GRIN2B: variants seen among roughly 807,000 people sequenced by gnomAD.
GRIN2B encodes the protein glutamate ionotropic receptor NMDA type subunit 2B, also known as glutamate receptor ionotropic, NMDA 2B.
A neutral mutation model predicts 114.5 loss-of-function variants in GRIN2B; 5 were observed. The ratio of observed to expected loss-of-function variants is 0.04; its 90% CI spans 0.02 to 0.09. The LOEUF (loss-of-function observed/expected upper bound fraction) is 0.09, where lower values mean the gene tolerates loss of function less well. Among genes scored for constraint, GRIN2B ranks in the 10% least tolerant of loss-of-function variants. GRIN2B has a pLI of 1.00. For synonymous variants in GRIN2B, 787 were observed against 745.1 expected, an observed-to-expected ratio of 1.06 and a Z score of -0.92; for missense variants, 1,108 against 1,943.5, an observed-to-expected ratio of 0.57 and a Z score of 8.08.
intron 2 of GRIN2B, among the ~76,000 whole-genome samples, chr12:13,893,197 G>T (rs1352251719): frequency 4.6e-5 from 7 of 152,080 alleles, no homozygotes; most frequent in Non-Finnish European, 5.9e-5. Context: ...TAGTAAACAT[G>T]CTCTATTTCA....
intron 2 of GRIN2B, among the ~76,000 whole-genome samples, chr12:13,894,744 G>A (rs2049740035): frequency 6.6e-6 from 1 of 152,132 alleles, no homozygotes; most frequent in African/African-American, 2.4e-5. Context: ...ATGAGACAGA[G>A]AAACAGATTA....
At chr12:13,977,742 C>G (rs1382746111) in intron 2 of GRIN2B, among the ~76,000 whole-genome samples, 1 of 152,136 alleles carries the variant, frequency 6.6e-6, no homozygotes, top group African/African-American at 2.4e-5. Context: ...ACAGAGACTG[C>G]CTGCGAGGAT....
chr12:13,676,796 T>C (rs1426153316), intron 4 of GRIN2B, among the ~76,000 whole-genome samples: 1 of 152,150 alleles, frequency 6.6e-6, no homozygotes, highest in Non-Finnish European at 1.5e-5. Context: ...AGCAGGGATC[T>C]GATATGACAG....
chr12:13,970,693 A>C (rs1862896659), intron 2 of GRIN2B, among the ~76,000 whole-genome samples: 1 of 145,638 alleles, frequency 6.9e-6, no homozygotes, highest in Non-Finnish European at 1.5e-5. Context: ...CTAAACACAC[A>C]CACACACACA....
At position 13,556,642 on chromosome 12, in the gene GRIN2B, T is replaced by C. The variant is rs528022578; in HGVS notation, c.*6141A>G. 1 of 152,316 alleles carries C rather than the reference T, an allele frequency of 6.6e-6. No homozygotes were observed. The highest frequency in any genetic ancestry group is 1.5e-5 in the Non-Finnish European group (1 of 68,016). 9.4% of individuals were successfully genotyped at this position (152,316 alleles called of 1,614,324 possible). A position where few individuals can be genotyped will look rare whatever the true frequency, so the allele number is the denominator to read the frequency against. On this transcript the variant is annotated 3_prime_UTR_variant, in exon 14 of 14. Coordinates refer to ENST00000609686, the MANE Select transcript of GRIN2B (RefSeq NM_000834.5). ...TAAATTGGGCTTAGTGTTGTGCTTT[T>C]TAATTGTACCTTAATTCTTGCACTG...
intron 4 of GRIN2B, among the ~76,000 whole-genome samples, chr12:13,695,860 C>T (rs2192975): frequency 0.37 from 56,756 of 151,754 alleles, 10,804 homozygotes; most frequent in Middle Eastern, 0.46. Flanking sequence ...ACCCCAGTAG[C>T]GGAAATGATG....
chr12:13,795,193 G>C (rs964497494), intron 3 of GRIN2B, among the ~76,000 whole-genome samples: 1 of 152,158 alleles, frequency 6.6e-6, no homozygotes, highest in Non-Finnish European at 1.5e-5. Flanking sequence ...ATATTGGGTA[G>C]AGAAAAAATA....
intron 3 of GRIN2B, among the ~76,000 whole-genome samples, chr12:13,761,171 T>C (rs945211772): frequency 1.3e-5 from 2 of 152,194 alleles, no homozygotes; most frequent in African/African-American, 4.8e-5. Context: ...CAAGCAGATC[T>C]GGCAAGTTTA....
intron 2 of GRIN2B, among the ~76,000 whole-genome samples, chr12:13,929,529 T>C (rs1272261936): frequency 6.6e-6 from 1 of 152,216 alleles, no homozygotes; most frequent in African/African-American, 2.4e-5. Context: ...TTTCCATTAG[T>C]GCTGGATATC....
chr12:13,748,642 C>G (rs190474927), intron 4 of GRIN2B, among the ~76,000 whole-genome samples: 32 of 152,240 alleles, frequency 2.1e-4, no homozygotes, highest in Admixed American at 1.9e-3. Context: ...ATTCTCCAGC[C>G]CTTTCAATCA....
intron 13 of GRIN2B, among the ~76,000 whole-genome samples, chr12:13,566,130 C>A (rs1297359599): frequency 6.6e-6 from 1 of 152,044 alleles, no homozygotes; most frequent in Non-Finnish European, 1.5e-5. Context: ...TAACTCACAG[C>A]CAGAAAGGAC....
intron 2 of GRIN2B, among the ~76,000 whole-genome samples, chr12:13,934,498 G>A (rs1867093402): frequency 6.6e-6 from 1 of 152,190 alleles, no homozygotes; most frequent in South Asian, 2.1e-4. Flanking sequence ...CAAGACTGCA[G>A]GGCTTGTAAG....
chr12:13,584,460 G>A (rs1948891369), intron 10 of GRIN2B, among the ~76,000 whole-genome samples: 1 of 152,188 alleles, frequency 6.6e-6, no homozygotes, highest in South Asian at 2.1e-4. Flanking sequence ...AATCGCACAT[G>A]TGGATATATT....
intron 3 of GRIN2B, among the ~76,000 whole-genome samples, chr12:13,864,861 G>A (rs1453677818): frequency 6.6e-6 from 1 of 152,090 alleles, no homozygotes; most frequent in Non-Finnish European, 1.5e-5. Context: ...CGAAGCCCAG[G>A]CCAATAATCA....
At chr12:13,781,476 G>C (rs1468493320) in intron 3 of GRIN2B, among the ~76,000 whole-genome samples, 1 of 152,112 alleles carries the variant, frequency 6.6e-6, no homozygotes, top group Non-Finnish European at 1.5e-5. Context: ...GACTGTAAGT[G>C]GAACACACTG....
intron 10 of GRIN2B, among the ~76,000 whole-genome samples, chr12:13,591,068 C>T (rs980464649): frequency 1.3e-5 from 2 of 152,134 alleles, no homozygotes; most frequent in Admixed American, 6.6e-5. Context: ...CAGGCATCCT[C>T]GGAGCCAGAG....
chr12:13,918,601 C>T (rs1866770339), intron 2 of GRIN2B, among the ~76,000 whole-genome samples: 1 of 152,210 alleles, frequency 6.6e-6, no homozygotes, highest in Non-Finnish European at 1.5e-5. Context: ...TCACAAATAG[C>T]AGCAACCAAC....
At chr12:13,581,892 AGAGT>A (rs1376979649) in intron 10 of GRIN2B, among the ~76,000 whole-genome samples, 2 of 145,296 alleles carry the variant, frequency 1.4e-5, no homozygotes, top group African/African-American at 5.2e-5. Context: ...CCTGGGTGAC[AGAGT>A]GAGACTTTGT....
chr12:13,589,327 C>A (rs1948973766), intron 10 of GRIN2B, among the ~76,000 whole-genome samples: 1 of 152,080 alleles, frequency 6.6e-6, no homozygotes, highest in African/African-American at 2.4e-5. Flanking sequence ...CAGGTAGAAT[C>A]CAAGTTGAAC....
Sources: gnomAD v4.1 joint callset for allele counts (sites outside exome capture counted in the v4.1 genomes callset) on GRCh38, gnomAD v4.1.1 for gene constraint, MANE v1.5 for transcripts, NCBI Gene and HGNC (gene_info 2026-07-23, HGNC 2026-07-21) for gene names.